LILRB4: variants seen among roughly 807,000 people sequenced by gnomAD.
LILRB4 encodes leukocyte immunoglobulin like receptor B4.
A neutral mutation model predicts 55.2 loss-of-function variants in LILRB4; 49 were observed. The ratio of observed to expected loss-of-function variants is 0.89; its 90% CI spans 0.71 to 1.13. LILRB4 has a LOEUF of 1.13. Among genes scored for constraint, LILRB4 ranks in the 50% most tolerant of loss-of-function variants. The probability of loss-of-function intolerance (pLI) is 0.00; values close to 1 mark genes in which losing one functional copy is unlikely to be tolerated. For synonymous variants in LILRB4, 229 were observed against 213.8 expected, an observed-to-expected ratio of 1.07 and a Z score of -0.62; for missense variants, 590 against 555.2, an observed-to-expected ratio of 1.06 and a Z score of -0.63.
rs913073376 is a variant in LILRB4, at chr19:54,666,425, G to A, written c.977G>A (p.Gly326Glu). Residue 326 changes from glycine to glutamate, a missense_variant, in exon 9 of 12, where the codon GGA (glycine) becomes GAA (glutamate). By Grantham distance (98) the Gly-to-Glu change is moderately conservative. Transcript: ENST00000430952. This position sits in a 1 kb window ranked among gnomAD's most constrained non-coding sequence, Gnocchi z 4.8. ...TCCAGCCCAGCTGCTGACGTCCAGG[G>A]AGAAAACTTCTGTGAGTGAGAGGCA... 3.7e-6 allele frequency: 6 copies of A among 1,614,038 alleles called. No homozygotes were observed. Among genetic ancestry groups the A allele is most frequent in the African/African-American group, 1.3e-5 (1 of 74,944 alleles).
chr19:54,667,099 G>A (rs190294540), intron 10 of LILRB4: 32,693 of 529,888 alleles, frequency 0.062, 142 homozygotes, highest in African/African-American at 0.24. Flanking sequence ...ACTGTGGATG[G>A]GGCTCCCCAT....
At chr19:54,663,696 G>C (rs1298084866) in intron 2 of LILRB4, 58 bp from the exon 3 acceptor site, 5 of 1,609,428 alleles carry the variant, frequency 3.1e-6, no homozygotes, top group African/African-American at 1.3e-5. Flanking sequence ...CTGGGGCTGA[G>C]AGCTGGGATC....
At chr19:54,667,462 A>G (rs1260413649) in intron 10 of LILRB4, 173 bp from the exon 11 acceptor site, 3 of 1,309,128 alleles carry the variant, frequency 2.3e-6, no homozygotes, top group Admixed American at 5.5e-5. Flanking sequence ...CAGAGTGAGG[A>G]GCAGAGACCA....
At position 54,667,861 on chromosome 19, in the gene LILRB4, C is replaced by A. The variant is rs199679094; in HGVS notation, c.1198-12C>A. On this transcript the variant is annotated splice_polypyrimidine_tract_variant and intron_variant, in intron 11 of 11. Coordinates refer to ENST00000430952, the Ensembl canonical transcript of LILRB4. Reference sequence around the variant, plus strand: ...CACCACGTTCCTTCCCTCTCACTCTCCCCCGCTGCAGGCTGCTGCATCTGA... The same window carrying A: ...CACCACGTTCCTTCCCTCTCACTCTACCCCGCTGCAGGCTGCTGCATCTGA... The A allele has an allele frequency of 6.2e-7, 1 of 1,608,880 alleles. No homozygotes were observed.
At position 54,666,671 on chromosome 19, in the gene LILRB4, A is replaced by T. The variant is rs1235036644; in HGVS notation, c.989-26A>T. On this transcript the variant is annotated intron_variant, in intron 9 of 11. Coordinates refer to ENST00000430952, the Ensembl canonical transcript of LILRB4. This position sits in a 1 kb window ranked among gnomAD's most constrained non-coding sequence, Gnocchi z 4.8. Reference sequence around the variant, plus strand: ...AGGTCCCAGGGAACCTTCCCAGGAGATGAACCCCTTGCTCTACCCCAGCAG... The same window carrying T: ...AGGTCCCAGGGAACCTTCCCAGGAGTTGAACCCCTTGCTCTACCCCAGCAG... 1 of 1,612,524 alleles carries T rather than the reference A, an allele frequency of 6.2e-7. No homozygotes were observed. The highest frequency in any genetic ancestry group is 8.5e-7 in the Non-Finnish European group (1 of 1,178,864).
chr19:54,664,756 G>A, intron 4 of LILRB4, 43 bp from the exon 5 acceptor site: 2 of 1,471,352 alleles, frequency 1.4e-6, no homozygotes, highest in Non-Finnish European at 1.8e-6. Context: ...GGAGACCCAA[G>A]GGCAACCCCA....
In LILRB4 at chr19:54,666,623, G is replaced by C. The variant is rs1264302922; in HGVS notation, c.989-74G>C. On this transcript the variant is annotated intron_variant, in intron 9 of 11. Transcript: ENST00000430952. This position sits in a 1 kb window ranked among gnomAD's most constrained non-coding sequence, Gnocchi z 4.8. Reference sequence around the variant, plus strand: ...CGTTGCAGTGGCACTAATGGGAACAGGGCAGGGACCAGCAGGAATGAGAGG... The same window carrying C: ...CGTTGCAGTGGCACTAATGGGAACACGGCAGGGACCAGCAGGAATGAGAGG... 1 of 1,533,634 alleles carries C rather than the reference G, an allele frequency of 6.5e-7. No individual in the cohort carries two copies. The highest frequency in any genetic ancestry group is 1.2e-5 in the South Asian group (1 of 85,860).
chr19:54,665,892 C>T lies in LILRB4; in HGVS notation c.835C>T (p.Leu279Phe). The stretch of plus-strand genomic sequence containing the variant: ...GCTTCTCTCCCTCCTCCTCTTCCTC[C>T]TCCTCCAACACTGGCGTCAGGGAAA... Residue 279 changes from leucine (L) to phenylalanine (F), a missense_variant, in exon 7 of 12, where the codon CTC becomes TTC. Coordinates refer to ENST00000430952, the Ensembl canonical transcript of LILRB4. This position sits in a 1 kb window ranked among gnomAD's most constrained non-coding sequence, Gnocchi z 5.5. The T allele has an allele frequency of 1.2e-6, 2 of 1,613,888 alleles. No individual in the cohort carries two copies. The highest frequency in any genetic ancestry group is 2.2e-5 in the East Asian group (1 of 44,856).
chr19:54,665,210 G>T lies in LILRB4; in HGVS notation c.757+30G>T, dbSNP rs766408643. 6.4e-7 allele frequency: 1 copy of T among 1,572,848 alleles called. No homozygotes were observed. Among genetic ancestry groups the T allele is most frequent in the Admixed American group, 1.8e-5 (1 of 55,442 alleles). On this transcript the variant is annotated intron_variant, in intron 6 of 11. Coordinates refer to ENST00000430952, the Ensembl canonical transcript of LILRB4. This position sits in a 1 kb window ranked among gnomAD's most constrained non-coding sequence, Gnocchi z 5.5. ...GTGAGGGGCTCTGAGTGGGAGGTGG[G>T]CAGGGTCTAGGGGAGCCAAGGGTGG... is the stretch of plus-strand genomic sequence containing the variant.
exon 1 of LILRB4, chr19:54,663,015 G>A: frequency 6.2e-7 from 1 of 1,614,066 alleles, no homozygotes; most frequent in Non-Finnish European, 8.5e-7. Context: ...CACAGCTGGG[G>A]CCCCTGGGAG....
At chr19:54,664,930 C>T (rs765867409) in intron 5 of LILRB4, 81 bp downstream of exon 5, 13 of 1,444,120 alleles carry the variant, frequency 9.0e-6, no homozygotes, top group African/African-American at 2.8e-5. Context: ...TCTAAGTCCT[C>T]GTTCCAATTC....
chr19:54,664,602 T>A, intron 4 of LILRB4, 117 bp downstream of exon 4: 1 of 1,199,570 alleles, frequency 8.3e-7, no homozygotes, highest in African/African-American at 1.5e-5. Flanking sequence ...GACTCAGCCC[T>A]CAGAGGGGAG....
At chr19:54,668,116 C>G in exon 12 of LILRB4, 1 of 1,436,708 alleles carries the variant, frequency 7.0e-7, no homozygotes, top group South Asian at 1.2e-5. Flanking sequence ...CCAGCCAGCC[C>G]AGACCCCTGA....
chr19:54,664,366 A>G, exon 4 of LILRB4: 1 of 1,614,000 alleles, frequency 6.2e-7, no homozygotes. Flanking sequence ...CACCAGGCTG[A>G]ATTCCCCATG....
intron 5 of LILRB4, 139 bp downstream of exon 5, chr19:54,664,988 G>A (rs1003623243): frequency 3.7e-6 from 5 of 1,359,108 alleles, no homozygotes; most frequent in East Asian, 2.4e-5. Context: ...AGCGACTTGG[G>A]AGGCACCACA....
chr19:54,668,534 C>T (rs1452488755), downstream of LILRB4: 1 of 153,108 alleles, frequency 6.5e-6, no homozygotes, highest in African/African-American at 2.4e-5. Context: ...TGAAAGAAAA[C>T]TGTCAGCAAT....
chr19:54,667,162 C>T (rs1335612436), intron 10 of LILRB4: 1 of 567,508 alleles, frequency 1.8e-6, no homozygotes, highest in Non-Finnish European at 3.4e-6. Flanking sequence ...CTGAGCTCAC[C>T]TCGTGGTGGG....
chr19:54,667,337 T>C (rs1330617469), intron 10 of LILRB4: 282 of 610,556 alleles, frequency 4.6e-4, no homozygotes, highest in East Asian at 3.2e-3. Context: ...GAGGGCCACG[T>C]GATCCTCTAA....
intron 2 of LILRB4, 42 bp from the exon 3 acceptor site, chr19:54,663,712 G>T: frequency 1.9e-6 from 3 of 1,611,062 alleles, no homozygotes; most frequent in Non-Finnish European, 1.7e-6. Context: ...GGATCTGAGG[G>T]CTGAGGAAGG....
Sources: allele counts gnomAD v4.1 joint callset, GRCh38; gene constraint gnomAD v4.1.1; non-coding constraint Gnocchi (gnomAD v3.1); transcripts MANE v1.5; gene names NCBI Gene and HGNC (gene_info 2026-07-23, HGNC 2026-07-21).